PDGFD: variants seen among roughly 807,000 people sequenced by gnomAD.
The protein encoded by PDGFD is platelet-derived growth factor D.
In PDGFD, 30 loss-of-function variants were observed where a neutral mutation model predicts 44.7. That is an observed-to-expected ratio of 0.67 (90% CI 0.50 to 0.91). The LOEUF (loss-of-function observed/expected upper bound fraction) is 0.91. Ranked by LOEUF, PDGFD falls within the 40% of genes least tolerant of loss-of-function variation. The pLI is 0.00. For missense variants in PDGFD, 445 were observed against 457.8 expected (o/e 0.97, Z 0.25); for synonymous variants, 173 against 168.4 (o/e 1.03, Z -0.21).
At position 103,909,666 on chromosome 11, in the gene PDGFD, G is replaced by T. The variant is rs147740543; in HGVS notation, c.*28C>A. On this transcript the variant is annotated 3_prime_UTR_variant, in exon 7 of 7. Coordinates refer to ENST00000393158, the MANE Select transcript of PDGFD (RefSeq NM_025208.5). ...CCTCCTTAAACTAAAGGTTCTTTCA[G>T]GCTTAATGTAAGGATGTGCACATTC... 383 of 1,613,366 alleles carry T rather than the reference G, an allele frequency of 2.4e-4. 2 individuals are homozygous for T. In the East Asian group the frequency reaches 8.0e-3, roughly 34 times the overall value.
At chr11:104,113,568 C>G (rs1237380525) in intron 1 of PDGFD, among the ~76,000 whole-genome samples, 1 of 150,970 alleles carries the variant, frequency 6.6e-6, no homozygotes, top group Non-Finnish European at 1.5e-5. Context: ...AACATAGCTG[C>G]TATAAACATC....
At chr11:104,002,789 C>G (rs1257021853) in intron 1 of PDGFD, among the ~76,000 whole-genome samples, 2 of 152,134 alleles carry the variant, frequency 1.3e-5, no homozygotes, top group Non-Finnish European at 2.9e-5. Flanking sequence ...ATTAGTTTCT[C>G]TCTAAATTAA....
intron 1 of PDGFD, among the ~76,000 whole-genome samples, chr11:104,053,784 C>T (rs1860578389): frequency 1.3e-5 from 2 of 152,164 alleles, no homozygotes; most frequent in South Asian, 4.1e-4. Context: ...ATAACACATG[C>T]TCTCTGTAAA....
At position 104,037,288 on chromosome 11, in the gene PDGFD, G is replaced by C. The variant is rs900078667; in HGVS notation, c.125-37033C>G. ...CAGCATGCTGCTCTCCAACCCCCAC[G>C]ATCTGTCCCTGCTCAAGGAACGCAA... On this transcript the variant is annotated intron_variant, in intron 1 of 6. Coordinates refer to ENST00000393158, the MANE Select transcript of PDGFD (RefSeq NM_025208.5). 11 of 1,613,178 alleles carry C rather than the reference G, an allele frequency of 6.8e-6. 1 individual carries two copies. Among genetic ancestry groups the C allele is most frequent in the East Asian group, 4.5e-5 (2 of 44,830 alleles).
intron 1 of PDGFD, among the ~76,000 whole-genome samples, chr11:104,077,845 C>A (rs1330393679): frequency 6.6e-6 from 1 of 152,116 alleles, no homozygotes; most frequent in Non-Finnish European, 1.5e-5. Flanking sequence ...GATTCTCCAA[C>A]AATAGTTTTG....
chr11:103,959,630 A>G lies in PDGFD; in HGVS notation c.511-11906T>C, dbSNP rs552329723. 3.9e-5 allele frequency among the ~76,000 whole-genome samples: 6 copies of G among 152,344 alleles called. No homozygotes were observed. The East Asian group carries it at 1.2e-3, about 29-fold the overall frequency. On this transcript the variant is annotated intron_variant, in intron 3 of 6. Transcript: ENST00000393158. ...CCATTAGGTGAACTTGTTGGAACTG[A>G]GTGCCAAGCACACAGGTCGTGAGTT... is the stretch of plus-strand genomic sequence containing the variant.
intron 3 of PDGFD, among the ~76,000 whole-genome samples, chr11:103,987,785 C>T (rs1012502002): frequency 2.0e-5 from 3 of 152,154 alleles, no homozygotes; most frequent in Non-Finnish European, 4.4e-5. Flanking sequence ...CTCTGAAATG[C>T]CTGCTTTTTC....
intron 1 of PDGFD, among the ~76,000 whole-genome samples, chr11:104,099,944 G>A (rs1182935422): frequency 2.6e-5 from 4 of 152,026 alleles, no homozygotes; most frequent in African/African-American, 9.7e-5. Context: ...GGTATATTTT[G>A]AATACCACAC....
chr11:104,151,375 T>C, intron 1 of PDGFD, among the ~76,000 whole-genome samples: 1 of 152,200 alleles, frequency 6.6e-6, no homozygotes. Context: ...TTATCTGAAT[T>C]ATTTCAACAT....
Position 103,909,785 on chromosome 11 carries a change from C to T in PDGFD, c.1022G>A (p.Arg341Lys). ...LQFEPGHIKR[R>K]GRAKTMALVD... ...TAGAGCCATGGTCTTAGCTCTACCC[C>T]TCCTCTTGATGTGGCCAGGCTCAAA... Residue 341 changes from arginine (R) to lysine (K), a missense_variant, in exon 7 of 7, where the codon AGG (arginine) becomes AAG (lysine). Physicochemically the swap from Arg to Lys is conservative, Grantham distance 26. Transcript: ENST00000393158. The T allele has an allele frequency of 6.2e-7, 1 of 1,614,128 alleles. No individual in the cohort carries two copies.
intron 3 of PDGFD, among the ~76,000 whole-genome samples, chr11:103,954,476 T>A (rs900698440): frequency 2.6e-5 from 4 of 152,228 alleles, no homozygotes; most frequent in Non-Finnish European, 5.9e-5. Context: ...CCTAGGTGAT[T>A]ATGCTTTATT....
intron 6 of PDGFD, among the ~76,000 whole-genome samples, chr11:103,917,490 AT>A (rs1296346018): frequency 6.6e-6 from 1 of 151,988 alleles, no homozygotes; most frequent in Non-Finnish European, 1.5e-5. Flanking sequence ...GTTAGCCTTT[AT>A]TTTTGATTTT....
At chr11:103,912,369 CAGCCAAACCA>C (rs1199331841) in intron 6 of PDGFD, among the ~76,000 whole-genome samples, 1 of 152,128 alleles carries the variant, frequency 6.6e-6, no homozygotes, top group African/African-American at 2.4e-5. Flanking sequence ...ATTTCATATC[CAGCCAAACCA>C]AGCTTCCTAA....
chr11:103,935,350 C>A (rs1397039200), intron 5 of PDGFD, among the ~76,000 whole-genome samples: 1 of 152,094 alleles, frequency 6.6e-6, no homozygotes, highest in Non-Finnish European at 1.5e-5. Flanking sequence ...CTCATAGACA[C>A]ACACAATATG....
At chr11:103,918,537 T>C (rs1322492436) in intron 6 of PDGFD, among the ~76,000 whole-genome samples, 2 of 152,224 alleles carry the variant, frequency 1.3e-5, no homozygotes, top group African/African-American at 4.8e-5. Context: ...CAAAAGTGTG[T>C]GCTTTGGGAT....
At chr11:103,936,830 G>GT (rs11335069) in intron 5 of PDGFD, among the ~76,000 whole-genome samples, 134 of 143,606 alleles carry the variant, frequency 9.3e-4, no homozygotes, top group South Asian at 1.3e-3. Context: ...TTTGTTTTTT[G>GT]TTTTTTTTTT....
At chr11:104,022,560 T>G (rs1176150225) in intron 1 of PDGFD, among the ~76,000 whole-genome samples, 4 of 152,034 alleles carry the variant, frequency 2.6e-5, no homozygotes, top group Non-Finnish European at 5.9e-5. Flanking sequence ...GACTGCAACC[T>G]ATAGGGGAAA....
chr11:103,946,292 G>A (rs1858667234), intron 4 of PDGFD, among the ~76,000 whole-genome samples: 2 of 152,220 alleles, frequency 1.3e-5, no homozygotes, highest in Admixed American at 1.3e-4. Flanking sequence ...AAAGAAACTA[G>A]CTTGGTCTTA....
intron 3 of PDGFD, among the ~76,000 whole-genome samples, chr11:103,961,241 T>C (rs895535055): frequency 6.6e-6 from 1 of 152,270 alleles, no homozygotes; most frequent in East Asian, 1.9e-4. Flanking sequence ...TCAAATGAGA[T>C]GAGTAATGTA....
Sources: allele counts gnomAD v4.1 joint callset (sites outside exome capture counted in the v4.1 genomes callset), GRCh38; gene constraint gnomAD v4.1.1; transcripts MANE v1.5; gene names NCBI Gene and HGNC (gene_info 2026-07-23, HGNC 2026-07-21).